TET1: variants seen among roughly 807,000 people sequenced by gnomAD.
The protein encoded by TET1 is methylcytosine dioxygenase TET1.
Under a neutral mutation model 148.7 loss-of-function variants are expected in TET1, and 13 were observed. That is an observed-to-expected ratio of 0.09 (90% CI 0.06 to 0.14). The LOEUF (loss-of-function observed/expected upper bound fraction) is 0.14, where lower values mean the gene tolerates loss of function less well. Among genes scored for constraint, TET1 ranks in the 10% least tolerant of loss-of-function variants. The pLI is 1.00. For synonymous variants in TET1, 907 were observed against 937.2 expected, an observed-to-expected ratio of 0.97 and a Z score of 0.59; for missense variants, 2,182 against 2,553.8, an observed-to-expected ratio of 0.85 and a Z score of 3.14.
intron 1 of TET1, among the ~76,000 whole-genome samples, chr10:68,566,652 A>G (rs2053610257): frequency 6.6e-6 from 1 of 152,190 alleles, no homozygotes; most frequent in Non-Finnish European, 1.5e-5. Flanking sequence ...TCTTAAAGAC[A>G]CATTACATTG....
chr10:68,675,536 A>C (rs1432332186), intron 8 of TET1, among the ~76,000 whole-genome samples: 3 of 151,794 alleles, frequency 2.0e-5, no homozygotes, highest in Non-Finnish European at 4.4e-5. Flanking sequence ...TTTGAAGATG[A>C]AGGCCAAAGC....
At chr10:68,639,501 G>A (rs1326241966) in intron 3 of TET1, among the ~76,000 whole-genome samples, 4 of 150,012 alleles carry the variant, frequency 2.7e-5, no homozygotes, top group South Asian at 4.2e-4. Flanking sequence ...TTTAGACAGG[G>A]TCTCTCGCCC....
chr10:68,568,999 T>G (rs2133675260), intron 1 of TET1, among the ~76,000 whole-genome samples: 1 of 152,256 alleles, frequency 6.6e-6, no homozygotes, highest in African/African-American at 2.4e-5. Flanking sequence ...ACATAGCAGG[T>G]ACTCAACAGA....
At chr10:68,639,514 G>T (rs1163859647) in intron 3 of TET1, among the ~76,000 whole-genome samples, 1 of 151,726 alleles carries the variant, frequency 6.6e-6, no homozygotes, top group Non-Finnish European at 1.5e-5. Context: ...TCTCGCCCAG[G>T]CTGCAGTGCA....
chr10:68,673,138 A>G, intron 8 of TET1, 93 bp downstream of exon 8: 2 of 1,045,776 alleles, frequency 1.9e-6, no homozygotes, highest in East Asian at 5.4e-5. Context: ...ACACTATAAA[A>G]ACTAAATATT....
At chr10:68,616,035 T>C (rs2054285248) in intron 3 of TET1, among the ~76,000 whole-genome samples, 1 of 152,186 alleles carries the variant, frequency 6.6e-6, no homozygotes, top group Non-Finnish European at 1.5e-5. Flanking sequence ...ATTAAGGAAA[T>C]GAACATTTAT....
In TET1 at chr10:68,682,407, C is replaced by T. The variant is rs559148420; in HGVS notation, c.4915-429C>T. Among the ~76,000 whole-genome samples the T allele has an allele frequency of 9.9e-5, 15 of 152,248 alleles. No homozygotes were observed. The East Asian group carries it at 2.5e-3, about 25-fold the overall frequency. On this transcript the variant is annotated intron_variant, in intron 9 of 11. Transcript: ENST00000373644. The stretch of plus-strand genomic sequence containing the variant: ...GATTACAGGCATTAGCCACCCTGCC[C>T]AGCATCCACCTTTTCATTTTAAAAG...
chr10:68,565,352 G>A (rs1354837058), intron 1 of TET1, among the ~76,000 whole-genome samples: 1 of 151,372 alleles, frequency 6.6e-6, no homozygotes, highest in Non-Finnish European at 1.5e-5. Context: ...GTGGTGGCAC[G>A]TGCCTGTAGT....
rs555827741 is a variant in TET1 at position 68,598,851 on chromosome 10, C to A, written c.1915-2130C>A. Among the ~76,000 whole-genome samples, 177 of 151,986 alleles carry A rather than the reference C, an allele frequency of 1.2e-3. 1 individual carries two copies. Among genetic ancestry groups the A allele is most frequent in the Admixed American group, 6.4e-3 (97 of 15,270 alleles). On this transcript the variant is annotated intron_variant, in intron 2 of 11. Coordinates refer to ENST00000373644, the MANE Select transcript of TET1 (RefSeq NM_030625.3). Reference sequence around the variant, plus strand: ...GATTACAGGCACCCACCATCATGCCCGGCTAATTTTTGTATTTTAGTGGAG... The same window carrying A: ...GATTACAGGCACCCACCATCATGCCAGGCTAATTTTTGTATTTTAGTGGAG...
At chr10:68,621,589 T>A (rs1010436324) in intron 3 of TET1, among the ~76,000 whole-genome samples, 5 of 152,020 alleles carry the variant, frequency 3.3e-5, no homozygotes, top group African/African-American at 7.2e-5. Flanking sequence ...TCAAAAAAAA[T>A]AAATAAATAA....
chr10:68,585,124 C>T (rs2053846668), intron 2 of TET1, among the ~76,000 whole-genome samples: 1 of 152,284 alleles, frequency 6.6e-6, no homozygotes, highest in South Asian at 2.1e-4. Context: ...CCTGCCTCAG[C>T]CTCCCGAGTA....
chr10:68,648,627 TA>T, intron 4 of TET1, among the ~76,000 whole-genome samples: 1 of 152,348 alleles, frequency 6.6e-6, no homozygotes, highest in African/African-American at 2.4e-5. Flanking sequence ...ATAGGGAGGC[TA>T]AGTATATCAC....
chr10:68,595,608 GCTT>G (rs769577906), intron 2 of TET1, among the ~76,000 whole-genome samples: 18 of 97,212 alleles, frequency 1.9e-4, no homozygotes, highest in South Asian at 4.0e-4. Context: ...CACACACACA[GCTT>G]CTTTTTTTTT....
intron 3 of TET1, among the ~76,000 whole-genome samples, chr10:68,608,552 T>C (rs554379330): frequency 1.3e-5 from 2 of 152,230 alleles, no homozygotes; most frequent in East Asian, 3.9e-4. Context: ...TATTTATTTT[T>C]GAGATGGAGT....
rs1355467535 is a variant in TET1, at chr10:68,644,873, A to T, written c.2144A>T (p.Lys715Ile). Residue 715 changes from lysine (K) to isoleucine (I), a missense_variant, in exon 4 of 12, where the codon AAA (lysine) becomes ATA (isoleucine). Around this residue, in one of 11 missense-constraint regions of TET1, gnomAD observed 226 missense variants for 307.4 expected, o/e 0.74. Coordinates refer to ENST00000373644, the MANE Select transcript of TET1 (RefSeq NM_030625.3). ...GTGGAGAAGTGGACACAAAACAAGA[A>T]ATCACAGTTAACTGATCACGTGAAA... Reference protein sequence around the residue: ...IEVEKWTQNKKSQLTDHVKGD... With the variant: ...IEVEKWTQNKISQLTDHVKGD... 1 of 1,613,516 alleles carries T rather than the reference A, an allele frequency of 6.2e-7. No individual in the cohort carries two copies. The highest frequency in any genetic ancestry group is 8.5e-7 in the Non-Finnish European group (1 of 1,179,788).
At chr10:68,676,236 GTATATATATATATATATATA>G (rs750680550) in intron 8 of TET1, among the ~76,000 whole-genome samples, 9,053 of 55,406 alleles carry the variant, frequency 0.16, 1,328 homozygotes, top group South Asian at 0.26. Flanking sequence ...GTATGTATGT[GTATATATATATATATATATA>G]TATATATATA....
At chr10:68,613,152 C>T (rs537963612) in intron 3 of TET1, among the ~76,000 whole-genome samples, 32 of 152,232 alleles carry the variant, frequency 2.1e-4, no homozygotes, top group Admixed American at 7.9e-4. Context: ...ATTGATCCAG[C>T]GTTGATAGTC....
At chr10:68,595,897 G>A (rs1320892264) in intron 2 of TET1, among the ~76,000 whole-genome samples, 13 of 128,582 alleles carry the variant, frequency 1.0e-4, no homozygotes, top group Non-Finnish European at 1.6e-4. Flanking sequence ...TTATAGGTGT[G>A]AGCCACTGCG....
chr10:68,622,214 CTTCCT>C (rs2054385092), intron 3 of TET1, among the ~76,000 whole-genome samples: 2 of 102,864 alleles, frequency 1.9e-5, no homozygotes, highest in Admixed American at 1.1e-4. Context: ...TCCTTCCTTC[CTTCCT>C]TCCCTCCTTC....
Sources: gnomAD v4.1 joint callset for allele counts (sites outside exome capture counted in the v4.1 genomes callset) on GRCh38, gnomAD v4.1.1 for gene constraint, gnomAD v4.1.1 regional missense constraint, MANE v1.5 for transcripts, NCBI Gene and HGNC (gene_info 2026-07-23, HGNC 2026-07-21) for gene names.